The following NKAIN2 variants were observed in gnomAD, a reference collection of about 807,000 sequenced individuals.
NKAIN2 encodes the protein sodium/potassium-transporting ATPase subunit beta-1-interacting protein 2.
A neutral mutation model predicts 32.6 loss-of-function variants in NKAIN2; 14 were observed. That is an observed-to-expected ratio of 0.43 (90% CI 0.28 to 0.67). The LOEUF is 0.67. Among genes scored for constraint, NKAIN2 ranks in the 30% least tolerant of loss-of-function variants. The pLI is 0.17. For missense variants in NKAIN2, 198 were observed against 258.3 expected, an observed-to-expected ratio of 0.77 and a Z score of 1.60; for synonymous variants, 80 against 87.2, an observed-to-expected ratio of 0.92 and a Z score of 0.46.
chr6:123,831,274 A>G (rs1332036109), intron 1 of NKAIN2, among the ~76,000 whole-genome samples: 3 of 151,780 alleles, frequency 2.0e-5, no homozygotes, highest in African/African-American at 2.4e-5. Flanking sequence ...ATCTAATTTT[A>G]TATATATAAT....
intron 1 of NKAIN2, among the ~76,000 whole-genome samples, chr6:123,906,697 T>C (rs767516840): frequency 3.9e-5 from 6 of 152,242 alleles, no homozygotes; most frequent in South Asian, 2.1e-4. Context: ...CTGTAGTATC[T>C]GTCTGTGTTA....
chr6:124,805,007 G>C (rs1287790780), intron 5 of NKAIN2, among the ~76,000 whole-genome samples: 1 of 152,180 alleles, frequency 6.6e-6, no homozygotes, highest in African/African-American at 2.4e-5. Flanking sequence ...GAACTGGGTG[G>C]AGCCCACCAC....
chr6:124,810,746 G>C (rs977356214), intron 5 of NKAIN2, among the ~76,000 whole-genome samples: 2 of 152,022 alleles, frequency 1.3e-5, no homozygotes, highest in South Asian at 4.1e-4. Context: ...CATATTTGAT[G>C]AACAAGTTTA....
intron 1 of NKAIN2, among the ~76,000 whole-genome samples, chr6:124,042,939 T>TA (rs1275885479): frequency 2.0e-5 from 3 of 152,126 alleles, no homozygotes; most frequent in Non-Finnish European, 2.9e-5. Flanking sequence ...TGAATGAAGT[T>TA]AATTTCAAAT....
chr6:124,133,045 C>G (rs1207737618), intron 1 of NKAIN2, among the ~76,000 whole-genome samples: 1 of 152,184 alleles, frequency 6.6e-6, no homozygotes, highest in Non-Finnish European at 1.5e-5. Flanking sequence ...GAGGGAAAGT[C>G]TGCACCTCTA....
rs1320004347 is a variant in NKAIN2 at position 124,313,202 on chromosome 6, A to C, written c.192+30060A>C. Among the ~76,000 whole-genome samples the C allele has an allele frequency of 2.6e-5, 4 of 152,284 alleles. No homozygotes were observed. In the South Asian group the frequency reaches 8.3e-4, roughly 32 times the overall value. On this transcript the variant is annotated intron_variant, in intron 2 of 6. Transcript: ENST00000368417. ...AGTGCATCAAATCAAGCAGGATAGCAAATGTTCTTAATCATACTTCTCCAA... is the reference window on the plus strand; with the variant it reads ...AGTGCATCAAATCAAGCAGGATAGCCAATGTTCTTAATCATACTTCTCCAA...
chr6:124,273,746 AT>A (rs1348762597), intron 1 of NKAIN2, among the ~76,000 whole-genome samples: 3 of 152,044 alleles, frequency 2.0e-5, no homozygotes, highest in African/African-American at 7.2e-5. Flanking sequence ...AACATTAGGT[AT>A]TTTTTTCTGT....
intron 1 of NKAIN2, among the ~76,000 whole-genome samples, chr6:123,864,645 A>C (rs1023159982): frequency 1.3e-5 from 2 of 152,214 alleles, no homozygotes; most frequent in African/African-American, 4.8e-5. Flanking sequence ...GGAACCATGT[A>C]GATAACTGGA....
At chr6:124,135,622 C>G (rs1182019524) in intron 1 of NKAIN2, among the ~76,000 whole-genome samples, 1 of 150,726 alleles carries the variant, frequency 6.6e-6, no homozygotes, top group Non-Finnish European at 1.5e-5. Context: ...CTGGAGTTCC[C>G]AAATTCATAA....
intron 3 of NKAIN2, among the ~76,000 whole-genome samples, chr6:124,505,597 G>T (rs955994619): frequency 6.6e-6 from 1 of 152,140 alleles, no homozygotes; most frequent in Admixed American, 6.5e-5. Context: ...GTCAGTACAA[G>T]GTTCCAGCTG....
intron 1 of NKAIN2, among the ~76,000 whole-genome samples, chr6:123,903,751 A>G (rs941428003): frequency 1.2e-4 from 19 of 152,188 alleles, no homozygotes; most frequent in African/African-American, 4.3e-4. Flanking sequence ...AAAGGCTATG[A>G]CCAAAATTTA....
chr6:124,225,145 AAGAT>A (rs1475954001), intron 1 of NKAIN2, among the ~76,000 whole-genome samples: 1 of 152,096 alleles, frequency 6.6e-6, no homozygotes, highest in Non-Finnish European at 1.5e-5. Context: ...ATGAAATAAT[AAGAT>A]ATTCAACAAA....
chr6:124,232,028 C>A (rs1420447355), intron 1 of NKAIN2, among the ~76,000 whole-genome samples: 1 of 152,086 alleles, frequency 6.6e-6, no homozygotes, highest in Non-Finnish European at 1.5e-5. Context: ...ATTTTAAACT[C>A]CGTTCTTGTA....
intron 1 of NKAIN2, among the ~76,000 whole-genome samples, chr6:124,132,889 C>T (rs1299345204): frequency 6.6e-6 from 1 of 152,220 alleles, no homozygotes; most frequent in Non-Finnish European, 1.5e-5. Flanking sequence ...CAGGGAGCCC[C>T]ATCTCTAGGG....
chr6:124,702,619 C>G (rs1191515313), intron 4 of NKAIN2, among the ~76,000 whole-genome samples: 1 of 152,042 alleles, frequency 6.6e-6, no homozygotes, highest in Non-Finnish European at 1.5e-5. Flanking sequence ...TTTCCCACTT[C>G]CATACTCATC....
At chr6:124,242,758 T>C (rs1793171927) in intron 1 of NKAIN2, among the ~76,000 whole-genome samples, 1 of 151,950 alleles carries the variant, frequency 6.6e-6, no homozygotes, top group Admixed American at 6.6e-5. Context: ...TGGATTAAAC[T>C]GGAAACCATT....
At chr6:124,144,898 T>C (rs1437024987) in intron 1 of NKAIN2, among the ~76,000 whole-genome samples, 1 of 152,136 alleles carries the variant, frequency 6.6e-6, no homozygotes, top group Non-Finnish European at 1.5e-5. Flanking sequence ...GAGAAAAAGC[T>C]AGTATCTAGA....
chr6:124,083,758 A>G (rs1784074405), intron 1 of NKAIN2, among the ~76,000 whole-genome samples: 1 of 151,550 alleles, frequency 6.6e-6, no homozygotes, highest in South Asian at 2.1e-4. Context: ...GCTTTCTCAC[A>G]TGTGTCTTTC....
intron 1 of NKAIN2, among the ~76,000 whole-genome samples, chr6:124,166,545 T>G (rs372282831): frequency 1.2e-4 from 18 of 150,826 alleles, no homozygotes; most frequent in South Asian, 8.4e-4. Flanking sequence ...GTCAATTTTG[T>G]CTTTTGTTGC....
Sources: allele counts gnomAD v4.1 joint callset (sites outside exome capture counted in the v4.1 genomes callset), GRCh38; gene constraint gnomAD v4.1.1; transcripts MANE v1.5; gene names NCBI Gene and HGNC (gene_info 2026-07-23, HGNC 2026-07-21).